SPOCK3: variants seen among roughly 807,000 people sequenced by gnomAD.
SPOCK3 encodes the protein testican-3.
SPOCK3 carries 30 observed loss-of-function variants against 56.6 expected under a neutral mutation model. That is an observed-to-expected ratio of 0.53 (90% CI 0.40 to 0.72). SPOCK3 has a LOEUF of 0.72. Ranked by LOEUF, SPOCK3 falls within the 30% of genes least tolerant of loss-of-function variation. The pLI is 0.00. For synonymous variants in SPOCK3, 196 were observed against 183.3 expected (o/e 1.07, Z -0.56); for missense variants, 527 against 530.0 (o/e 0.99, Z 0.06).
chr4:166,912,779 T>G (rs747623945), intron 4 of SPOCK3, 36 bp from the exon 5 acceptor site: 1 of 1,551,776 alleles, frequency 6.4e-7, no homozygotes, highest in South Asian at 1.2e-5. Flanking sequence ...TTGAGCATAT[T>G]TATTTTAAAA....
At chr4:166,742,162 G>A (rs1734912633) in intron 8 of SPOCK3, 103 bp from the exon 9 acceptor site, 1 of 789,406 alleles carries the variant, frequency 1.3e-6, no homozygotes, top group Non-Finnish European at 2.2e-6. Context: ...GCCTTTGGAA[G>A]ACATGTATTA....
chr4:166,792,961 C>T (rs1275047876), intron 6 of SPOCK3, among the ~76,000 whole-genome samples: 2 of 152,064 alleles, frequency 1.3e-5, no homozygotes, highest in African/African-American at 4.8e-5. Context: ...TATTTATCAA[C>T]AATTATATTC....
chr4:167,213,507 A>T (rs1217209842), intron 2 of SPOCK3, among the ~76,000 whole-genome samples: 1 of 152,198 alleles, frequency 6.6e-6, no homozygotes, highest in Non-Finnish European at 1.5e-5. Flanking sequence ...ATTTAACAAG[A>T]AAATTTTCTT....
intron 2 of SPOCK3, among the ~76,000 whole-genome samples, chr4:167,231,041 A>T (rs1052214966): frequency 1.3e-5 from 2 of 152,108 alleles, no homozygotes; most frequent in African/African-American, 4.8e-5. Context: ...CAACGGCAGT[A>T]GTTTTTATGC....
Position 167,205,286 on chromosome 4 carries a change from ATT to A in SPOCK3, c.189+28697_189+28698del, listed in dbSNP as rs1294096556. On this transcript the variant is annotated intron_variant, in intron 2 of 10. Transcript: ENST00000357545. Reference sequence around the variant, plus strand: ...TATATCTATAATATATATTATATATATTTTATATCTATAATATATATTATATA... The same window carrying A: ...TATATCTATAATATATATTATATATATTATATCTATAATATATATTATATA... 7.3e-3 allele frequency among the ~76,000 whole-genome samples: 326 copies of A among 44,618 alleles called. 7 individuals carry two copies. The highest frequency in any genetic ancestry group is 0.026 in the African/African-American group (300 of 11,628). The allele number at this position is 44,618 out of a possible 152,430, so 29.3% of individuals were successfully genotyped here. A position where few individuals can be genotyped will look rare whatever the true frequency, so the allele number is the denominator to read the frequency against.
chr4:166,871,848 T>C (rs1323738054), intron 6 of SPOCK3, among the ~76,000 whole-genome samples: 1 of 150,980 alleles, frequency 6.6e-6, no homozygotes, highest in Non-Finnish European at 1.5e-5. Flanking sequence ...GAGTAAGCAG[T>C]ATTCCAAGAA....
intron 2 of SPOCK3, among the ~76,000 whole-genome samples, chr4:167,147,757 A>C (rs1764088975): frequency 6.6e-6 from 1 of 152,164 alleles, no homozygotes; most frequent in Non-Finnish European, 1.5e-5. Flanking sequence ...AGACTGGAAC[A>C]GTGAGAACAC....
intron 2 of SPOCK3, among the ~76,000 whole-genome samples, chr4:167,228,580 C>T (rs543956854): frequency 1.3e-5 from 2 of 152,210 alleles, no homozygotes; most frequent in South Asian, 4.1e-4. Context: ...CATGTGATAA[C>T]CTGATGACAA....
At chr4:166,888,835 CAT>C in intron 6 of SPOCK3, among the ~76,000 whole-genome samples, 1 of 151,842 alleles carries the variant, frequency 6.6e-6, no homozygotes, top group Non-Finnish European at 1.5e-5. Flanking sequence ...ATATAAAACA[CAT>C]GTTTTAGACA....
chr4:166,783,833 C>T (rs1740437856), intron 7 of SPOCK3, among the ~76,000 whole-genome samples: 1 of 152,114 alleles, frequency 6.6e-6, no homozygotes, highest in Non-Finnish European at 1.5e-5. Context: ...TTATGTATTA[C>T]TCAACTGGCA....
At chr4:167,132,972 G>A (rs944228000) in intron 2 of SPOCK3, among the ~76,000 whole-genome samples, 2 of 152,108 alleles carry the variant, frequency 1.3e-5, no homozygotes, top group African/African-American at 4.8e-5. Flanking sequence ...TGACATGGAT[G>A]TATCTTTTTG....
At chr4:166,797,855 A>G (rs992781044) in intron 6 of SPOCK3, among the ~76,000 whole-genome samples, 1 of 152,166 alleles carries the variant, frequency 6.6e-6, no homozygotes, top group African/African-American at 2.4e-5. Flanking sequence ...ATTTACTTTT[A>G]CACCTTTTCG....
chr4:167,038,733 T>C (rs1488068537), intron 3 of SPOCK3, among the ~76,000 whole-genome samples: 3 of 150,402 alleles, frequency 2.0e-5, no homozygotes, highest in East Asian at 3.9e-4. Flanking sequence ...AGCAAAAATA[T>C]TCATCCAAAA....
intron 3 of SPOCK3, among the ~76,000 whole-genome samples, chr4:167,022,165 G>A (rs544034966): frequency 6.6e-6 from 1 of 152,034 alleles, no homozygotes; most frequent in South Asian, 2.1e-4. Context: ...TGGGCGTGGA[G>A]CAAACAAAAG....
chr4:167,154,872 C>T (rs1466515533), intron 2 of SPOCK3, among the ~76,000 whole-genome samples: 4 of 152,058 alleles, frequency 2.6e-5, no homozygotes, highest in Non-Finnish European at 1.5e-5. Flanking sequence ...TAGCATCTAG[C>T]AAAGTAGTGA....
intron 6 of SPOCK3, among the ~76,000 whole-genome samples, chr4:166,851,002 A>C (rs1054703500): frequency 2.6e-4 from 39 of 152,112 alleles, no homozygotes; most frequent in Non-Finnish European, 2.5e-4. Flanking sequence ...TGTAGGCTCC[A>C]CCTCTGGGGG....
chr4:166,896,138 G>A (rs1735358726), intron 5 of SPOCK3, among the ~76,000 whole-genome samples: 1 of 152,060 alleles, frequency 6.6e-6, no homozygotes, highest in African/African-American at 2.4e-5. Context: ...AGAAACATGA[G>A]GATAAAGTGA....
At chr4:167,112,653 T>C (rs815214) in intron 2 of SPOCK3, among the ~76,000 whole-genome samples, 152,113 of 152,204 alleles carry the variant, frequency 1, 76,011 homozygotes, top group Middle Eastern at 1. Context: ...TGTTCCATTA[T>C]GGACCTGGTT....
chr4:167,224,148 C>T (rs1736355912), intron 2 of SPOCK3, among the ~76,000 whole-genome samples: 1 of 152,152 alleles, frequency 6.6e-6, no homozygotes, highest in Non-Finnish European at 1.5e-5. Flanking sequence ...TAAATTCTGA[C>T]ATCATAGTTT....
Sources: gnomAD v4.1 joint callset for allele counts (sites outside exome capture counted in the v4.1 genomes callset) on GRCh38, gnomAD v4.1.1 for gene constraint, MANE v1.5 for transcripts, NCBI Gene and HGNC (gene_info 2026-07-23, HGNC 2026-07-21) for gene names.